Variants in EXOC6B observed in about 807,000 individuals in gnomAD.
EXOC6B encodes SEC15 homolog B.
In EXOC6B, 54 loss-of-function variants were observed where a neutral mutation model predicts 113.5. That is an observed-to-expected ratio of 0.48 (90% confidence interval 0.38 to 0.60). EXOC6B has a LOEUF of 0.60. Among genes scored for constraint, EXOC6B ranks in the 20% least tolerant of loss-of-function variants. EXOC6B has a pLI of 0.00. For synonymous variants in EXOC6B, 357 were observed against 339.0 expected (o/e 1.05, Z -0.58); for missense variants, 797 against 977.5 (o/e 0.82, Z 2.46).
At chr2:72,282,444 T>C (rs1256657893) in intron 20 of EXOC6B, among the ~76,000 whole-genome samples, 1 of 146,526 alleles carries the variant, frequency 6.8e-6, no homozygotes, top group Non-Finnish European at 1.5e-5. Flanking sequence ...TAATAGAAAA[T>C]AAAAGTAGAG....
intron 7 of EXOC6B, among the ~76,000 whole-genome samples, chr2:72,573,854 G>A (rs1450517916): frequency 6.6e-6 from 1 of 152,082 alleles, no homozygotes; most frequent in Non-Finnish European, 1.5e-5. Flanking sequence ...GGTGGCTCAC[G>A]CCTATAATCC....
chr2:72,484,566 C>CAAAAA (rs1163864913), intron 16 of EXOC6B, among the ~76,000 whole-genome samples: 9 of 52,638 alleles, frequency 1.7e-4, no homozygotes, highest in Admixed American at 2.3e-4. Flanking sequence ...GACTCCGTCA[C>CAAAAA]AAAAAAAAAA....
intron 19 of EXOC6B, among the ~76,000 whole-genome samples, chr2:72,364,643 G>C (rs1572973472): frequency 6.6e-6 from 1 of 152,096 alleles, no homozygotes; most frequent in South Asian, 2.1e-4. Flanking sequence ...GTTCTCTCAA[G>C]AAGAAGCTGC....
chr2:72,778,638 A>C (rs373625577), intron 1 of EXOC6B, among the ~76,000 whole-genome samples: 7 of 152,304 alleles, frequency 4.6e-5, no homozygotes, highest in African/African-American at 1.7e-4. Flanking sequence ...TTATCCTTTC[A>C]GTTCAGGAAA....
chr2:72,491,695 T>C (rs577070217), intron 16 of EXOC6B, among the ~76,000 whole-genome samples: 1 of 152,250 alleles, frequency 6.6e-6, no homozygotes, highest in East Asian at 1.9e-4. Context: ...AGGTACTACA[T>C]TCAATATATG....
intron 1 of EXOC6B, among the ~76,000 whole-genome samples, chr2:72,818,168 C>G (rs1330428457): frequency 6.6e-6 from 1 of 151,730 alleles, no homozygotes; most frequent in Non-Finnish European, 1.5e-5. Flanking sequence ...TCTTTTGAGA[C>G]GAGTCTCGCA....
In EXOC6B at chr2:72,473,373, A is replaced by C. The variant is rs149702127; in HGVS notation, c.1800+7243T>G. Among the ~76,000 whole-genome samples, 514 of 152,222 alleles carry C rather than the reference A, an allele frequency of 3.4e-3. 2 individuals are homozygous for C. The highest frequency in any genetic ancestry group is 0.012 in the African/African-American group (490 of 41,574). ...TCTAGGTGCTCCAGTGTTGGATGCC[A>C]ATATGGATTTGGTGTTACATCCTCT... On this transcript the variant is annotated intron_variant, in intron 17 of 21. Transcript: ENST00000272427.
chr2:72,821,929 T>C (rs994872400), intron 1 of EXOC6B, among the ~76,000 whole-genome samples: 2 of 152,202 alleles, frequency 1.3e-5, no homozygotes, highest in African/African-American at 4.8e-5. Context: ...AATTGTATAC[T>C]TTAAATGGGT....
intron 20 of EXOC6B, among the ~76,000 whole-genome samples, chr2:72,267,706 T>C (rs1171383035): frequency 6.6e-6 from 1 of 152,202 alleles, no homozygotes; most frequent in African/African-American, 2.4e-5. Context: ...AGGATATTGG[T>C]CTAAAATTCT....
At chr2:72,251,811 C>A (rs192334314) in intron 20 of EXOC6B, among the ~76,000 whole-genome samples, 1 of 152,088 alleles carries the variant, frequency 6.6e-6, no homozygotes, top group East Asian at 1.9e-4. Context: ...AAATTTAAGC[C>A]TTTTCATTTA....
chr2:72,317,284 G>A (rs1473953028), intron 20 of EXOC6B, among the ~76,000 whole-genome samples: 1 of 151,832 alleles, frequency 6.6e-6, no homozygotes, highest in East Asian at 1.9e-4. Flanking sequence ...AAATAACCAT[G>A]AACATATTCA....
intron 18 of EXOC6B, among the ~76,000 whole-genome samples, chr2:72,391,706 C>T (rs1692393956): frequency 6.6e-6 from 1 of 151,440 alleles, no homozygotes; most frequent in Non-Finnish European, 1.5e-5. Flanking sequence ...CAACTGTGTT[C>T]CACCTATCTC....
chr2:72,491,315 A>G (rs1376619284), intron 16 of EXOC6B, among the ~76,000 whole-genome samples: 1 of 152,148 alleles, frequency 6.6e-6, no homozygotes, highest in Non-Finnish European at 1.5e-5. Context: ...ATTCAGAGAA[A>G]GAGAAAATAA....
chr2:72,277,993 AATT>A (rs1235501379), intron 20 of EXOC6B, among the ~76,000 whole-genome samples: 2 of 152,198 alleles, frequency 1.3e-5, no homozygotes, highest in African/African-American at 4.8e-5. Flanking sequence ...AATTAAAAAA[AATT>A]ATCATCTCTT....
intron 1 of EXOC6B, among the ~76,000 whole-genome samples, chr2:72,751,845 A>G (rs1682064208): frequency 6.6e-6 from 1 of 152,120 alleles, no homozygotes; most frequent in South Asian, 2.1e-4. Flanking sequence ...TAGAATTGAT[A>G]AAAGATGTAA....
At chr2:72,679,688 T>A (rs1438030681) in intron 6 of EXOC6B, among the ~76,000 whole-genome samples, 1 of 152,148 alleles carries the variant, frequency 6.6e-6, no homozygotes, top group Non-Finnish European at 1.5e-5. Flanking sequence ...GGAGAAAATA[T>A]TCTCCGAAGA....
At position 72,317,072 on chromosome 2, in the gene EXOC6B, T is replaced by C. The variant is rs563738127; in HGVS notation, c.2196+17875A>G. Among the ~76,000 whole-genome samples the C allele has an allele frequency of 3.9e-5, 6 of 152,020 alleles. No homozygotes were observed. The South Asian group carries it at 1.2e-3, about 32-fold the overall frequency. On this transcript the variant is annotated intron_variant, in intron 20 of 21. Transcript: ENST00000272427. ...TTAGCTGGAACCAGACCTGCTTTGC[T>C]AGGGGTTCATCTTTTGTTTTATGGG...
intron 18 of EXOC6B, among the ~76,000 whole-genome samples, chr2:72,414,573 T>C (rs1042425815): frequency 6.6e-6 from 1 of 152,184 alleles, no homozygotes; most frequent in African/African-American, 2.4e-5. Context: ...GATCTTAATA[T>C]GCTAAGAGAA....
chr2:72,449,651 G>A (rs1299857026), intron 18 of EXOC6B, among the ~76,000 whole-genome samples: 1 of 152,070 alleles, frequency 6.6e-6, no homozygotes, highest in Non-Finnish European at 1.5e-5. Context: ...TTCAGGCCTT[G>A]ATCTAAAATT....
Sources: gnomAD v4.1 joint callset for allele counts (sites outside exome capture counted in the v4.1 genomes callset) on GRCh38, gnomAD v4.1.1 for gene constraint, MANE v1.5 for transcripts, NCBI Gene and HGNC (gene_info 2026-07-23, HGNC 2026-07-21) for gene names.